The following DOCK10 variants were observed in gnomAD, a reference collection of about 807,000 sequenced individuals.
DOCK10 encodes dedicator of cytokinesis 10.
Under a neutral mutation model 280.1 loss-of-function variants are expected in DOCK10, and 145 were observed. The ratio of observed to expected loss-of-function variants is 0.52; its 90% CI spans 0.45 to 0.59. The LOEUF (loss-of-function observed/expected upper bound fraction) is 0.59, where lower values mean the gene tolerates loss of function less well. DOCK10 is among the 20% of genes least tolerant of loss of function. The pLI, the probability that DOCK10 is intolerant of heterozygous loss-of-function variation, is 0.00. For missense variants in DOCK10, 2,368 were observed against 2,651.7 expected (o/e 0.89, Z 2.35); for synonymous variants, 915 against 942.2 (o/e 0.97, Z 0.53).
At chr2:224,787,242 TTTAA>T in intron 49 of DOCK10, 29 bp downstream of exon 49, 1 of 1,613,326 alleles carries the variant, frequency 6.2e-7, no homozygotes, top group Non-Finnish European at 8.5e-7. Context: ...CATAGGATAT[TTTAA>T]TTAACTTCTA....
At position 224,962,990 on chromosome 2, in the gene DOCK10, A is replaced by G. The variant is rs148748401; in HGVS notation, c.124-31322T>C. 1.2e-4 allele frequency among the ~76,000 whole-genome samples: 19 copies of G among 152,286 alleles called. No individual in the cohort carries two copies. The East Asian group carries it at 3.5e-3, about 28-fold the overall frequency. On this transcript the variant is annotated intron_variant, in intron 1 of 55. Transcript: ENST00000258390. The stretch of plus-strand genomic sequence containing the variant: ...TTTAACAATTGGGAGATTTTTGTAT[A>G]TAAACCCTGGTTACTAGTTTTTTTT...
rs765207627 is a variant in DOCK10, at chr2:224,874,321, T to C, written c.1046A>G (p.Lys349Arg). The C allele has an allele frequency of 6.2e-7, 1 of 1,613,088 alleles. No individual in the cohort carries two copies. The highest frequency in any genetic ancestry group is 2.2e-5 in the East Asian group (1 of 44,874). The change falls in exon 10 of 56, where the codon AAA becomes AGA. Residue 349 changes from lysine to arginine, a missense_variant. Lys to Arg is a conservative substitution (Grantham distance 26). Around this residue, in one of 2 missense-constraint regions of DOCK10, gnomAD observed 1,209 missense variants for 1,250.9 expected, o/e 0.97. Coordinates refer to ENST00000258390, the MANE Select transcript of DOCK10 (RefSeq NM_014689.3). ...TAGCCTCTCCATGTTTCGAGTTGTT[T>C]TTACAGTATCTTCTGTTTCTGTGAG... ...KYLTETEDTVKTTRNMERLNL... is the reference protein window; with the variant it reads ...KYLTETEDTVRTTRNMERLNL...
intron 15 of DOCK10, 52 bp from the exon 16 acceptor site, chr2:224,855,094 C>CAA: frequency 8.5e-7 from 1 of 1,182,516 alleles, no homozygotes; most frequent in East Asian, 2.5e-5. Context: ...CACACACACA[C>CAA]ACACACAGAG....
At chr2:224,979,963 T>TTA (rs1553627775) in intron 1 of DOCK10, among the ~76,000 whole-genome samples, 5 of 149,056 alleles carry the variant, frequency 3.4e-5, no homozygotes, top group African/African-American at 9.9e-5. Flanking sequence ...TGTGATCTTA[T>TTA]AAAAAAAAAA....
In DOCK10 at chr2:224,796,666, G is replaced by A. The variant is rs561267331; in HGVS notation, c.4828-240C>T. 2.2e-4 allele frequency among the ~76,000 whole-genome samples: 34 copies of A among 152,260 alleles called. 3 individuals carry two copies. In the South Asian group the frequency reaches 6.2e-3, roughly 28 times the overall value. On this transcript the variant is annotated intron_variant, in intron 43 of 55. Coordinates refer to ENST00000258390, the MANE Select transcript of DOCK10 (RefSeq NM_014689.3). Reference sequence around the variant, plus strand: ...GGATGCCTAGAAGAAAAAAAATTACGTTTGGAATTTGGCGGGGTTTGACCT... The same window carrying A: ...GGATGCCTAGAAGAAAAAAAATTACATTTGGAATTTGGCGGGGTTTGACCT...
At chr2:224,881,451 G>GT (rs991760370) in intron 7 of DOCK10, among the ~76,000 whole-genome samples, 10 of 152,068 alleles carry the variant, frequency 6.6e-5, no homozygotes, top group African/African-American at 1.7e-4. Context: ...TCTTTGTAGT[G>GT]TTTTTTCTGC....
chr2:224,771,675 C>T (rs1008184974), intron 53 of DOCK10, among the ~76,000 whole-genome samples: 1 of 152,220 alleles, frequency 6.6e-6, no homozygotes, highest in Non-Finnish European at 1.5e-5. Flanking sequence ...CTGTGACCAG[C>T]AGGCATGGCC....
chr2:225,035,553 T>G (rs1241499328), intron 1 of DOCK10, among the ~76,000 whole-genome samples: 1,806 of 25,834 alleles, frequency 0.07, 127 homozygotes, highest in East Asian at 0.19. Context: ...TATATATATA[T>G]ATATATATAT....
intron 1 of DOCK10, among the ~76,000 whole-genome samples, chr2:225,037,212 G>A (rs566630332): frequency 5.9e-5 from 9 of 152,188 alleles, no homozygotes; most frequent in Non-Finnish European, 1.2e-4. Flanking sequence ...TGCAATACAG[G>A]TGGGATGGGG....
At chr2:224,917,256 C>T (rs1701388828) in intron 2 of DOCK10, among the ~76,000 whole-genome samples, 2 of 151,858 alleles carry the variant, frequency 1.3e-5, no homozygotes, top group South Asian at 4.2e-4. Flanking sequence ...CAGGTGCCCA[C>T]CACCACCCCC....
intron 3 of DOCK10, among the ~76,000 whole-genome samples, chr2:224,912,664 A>G (rs1397552469): frequency 6.6e-6 from 1 of 152,154 alleles, no homozygotes; most frequent in Non-Finnish European, 1.5e-5. Flanking sequence ...GTATATATGT[A>G]TAGGTTTTAT....
intron 1 of DOCK10, among the ~76,000 whole-genome samples, chr2:224,995,910 C>G (rs1447812307): frequency 2.0e-5 from 3 of 152,130 alleles, no homozygotes; most frequent in African/African-American, 7.2e-5. Flanking sequence ...TGCAAAAGCC[C>G]AGGTTTTTTA....
chr2:224,874,396 C>T, intron 9 of DOCK10, 47 bp from the exon 10 acceptor site: 2 of 1,418,864 alleles, frequency 1.4e-6, no homozygotes, highest in Non-Finnish European at 9.8e-7. Context: ...TATCCAGATA[C>T]AGCCCCTGAC....
At chr2:224,821,123 T>C (rs1161544858) in intron 28 of DOCK10, among the ~76,000 whole-genome samples, 1 of 152,220 alleles carries the variant, frequency 6.6e-6, no homozygotes, top group Non-Finnish European at 1.5e-5. Context: ...TTTGGCATAA[T>C]TGCTGAAAAA....
chr2:224,930,017 A>G (rs762437579), intron 2 of DOCK10, among the ~76,000 whole-genome samples: 1 of 152,018 alleles, frequency 6.6e-6, no homozygotes, highest in East Asian at 1.9e-4. Context: ...CATGGCCAAC[A>G]TGGCAAAACC....
intron 1 of DOCK10, among the ~76,000 whole-genome samples, chr2:224,960,073 C>G (rs1559869136): frequency 6.6e-6 from 1 of 152,166 alleles, no homozygotes; most frequent in Admixed American, 6.5e-5. Context: ...TCAGATTGTT[C>G]CTTCTCTGAA....
chr2:224,968,200 G>A (rs1704884085), intron 1 of DOCK10, among the ~76,000 whole-genome samples: 2 of 152,208 alleles, frequency 1.3e-5, no homozygotes, highest in Non-Finnish European at 2.9e-5. Context: ...CAAGGAGAGA[G>A]CTAACAGAAA....
At chr2:224,842,236 T>C (rs1574920631) in intron 22 of DOCK10, among the ~76,000 whole-genome samples, 2 of 152,236 alleles carry the variant, frequency 1.3e-5, no homozygotes, top group African/African-American at 2.4e-5. Flanking sequence ...GCTTCTTCCA[T>C]AGACTTCTAC....
intron 1 of DOCK10, among the ~76,000 whole-genome samples, chr2:224,978,502 G>C (rs1705564628): frequency 6.6e-6 from 1 of 152,160 alleles, no homozygotes; most frequent in African/African-American, 2.4e-5. Flanking sequence ...CATTAATTAG[G>C]AAGCGATTGC....
Sources: gnomAD v4.1 joint callset for allele counts (sites outside exome capture counted in the v4.1 genomes callset) on GRCh38, gnomAD v4.1.1 for gene constraint, gnomAD v4.1.1 regional missense constraint, MANE v1.5 for transcripts, NCBI Gene and HGNC (gene_info 2026-07-23, HGNC 2026-07-21) for gene names.